The following KDM4D variants were observed in gnomAD, a reference collection of about 807,000 sequenced individuals.
KDM4D encodes the protein lysine-specific demethylase 4D.
For missense variants in KDM4D, 427 were observed against 674.8 expected (o/e 0.63, Z 4.07); for synonymous variants, 254 against 249.1 (o/e 1.02, Z -0.19).
At chr11:94,983,388 C>A (rs1421916826) in intron 2 of KDM4D, among the ~76,000 whole-genome samples, 1 of 151,668 alleles carries the variant, frequency 6.6e-6, no homozygotes, top group Non-Finnish European at 1.5e-5. Flanking sequence ...TTTTTGACCC[C>A]CAAAGAATAC....
chr11:94,984,107 G>A (rs587741466), intron 2 of KDM4D, among the ~76,000 whole-genome samples: 1 of 152,204 alleles, frequency 6.6e-6, no homozygotes, highest in Admixed American at 6.5e-5. Context: ...GTATGTATGT[G>A]TATGTATGTA....
Position 94,999,130 on chromosome 11 carries a change from C to T in KDM4D, c.*186C>T. 1 of 492,076 alleles carries T rather than the reference C, an allele frequency of 2.0e-6. No individual in the cohort carries two copies. 30.5% of individuals were successfully genotyped at this position (492,076 alleles called of 1,614,324 possible). A position where few individuals can be genotyped will look rare whatever the true frequency, so the allele number is the denominator to read the frequency against. The stretch of plus-strand genomic sequence containing the variant: ...TTTTCAATTTTGCCATACTTTTGTT[C>T]TTCCTACCGGACCCTGGAATGTCTT... On this transcript the variant is annotated 3_prime_UTR_variant, in exon 3 of 3. Transcript: ENST00000335080.
chr11:94,982,477 C>T (rs138514427), intron 2 of KDM4D, among the ~76,000 whole-genome samples: 1 of 150,508 alleles, frequency 6.6e-6, no homozygotes, highest in Non-Finnish European at 1.5e-5. Flanking sequence ...AGAATTTCTA[C>T]CAACTCAGTC....
chr11:94,981,667 A>G (rs1857844056), intron 2 of KDM4D, among the ~76,000 whole-genome samples: 1 of 151,998 alleles, frequency 6.6e-6, no homozygotes, highest in South Asian at 2.1e-4. Flanking sequence ...TTATGTCTGC[A>G]GCATCTGTAG....
At chr11:94,981,844 C>T (rs587759857) in intron 2 of KDM4D, among the ~76,000 whole-genome samples, 1 of 151,366 alleles carries the variant, frequency 6.6e-6, no homozygotes, top group South Asian at 2.1e-4. Flanking sequence ...AGTTTCTGGT[C>T]TCTTATTATT....
intron 2 of KDM4D, among the ~76,000 whole-genome samples, chr11:94,993,905 A>G (rs1014957098): frequency 6.6e-5 from 10 of 152,152 alleles, no homozygotes; most frequent in Admixed American, 5.9e-4. Context: ...TTCCAAAAAT[A>G]TAAAGAATTT....
chr11:94,978,979 T>C (rs1393590577), intron 2 of KDM4D, among the ~76,000 whole-genome samples: 1 of 152,134 alleles, frequency 6.6e-6, no homozygotes, highest in African/African-American at 2.4e-5. Flanking sequence ...TTTTTTAAGA[T>C]AAATTTCTCT....
chr11:94,997,302 T>C lies in KDM4D; in HGVS notation c.-71T>C. ...AGATAACACCAGTCAAATTTTTTTT[T>C]AAAGTAGCATTTTCCTACATTGTCA... On this transcript the variant is annotated 5_prime_UTR_variant, in exon 3 of 3. Coordinates refer to ENST00000335080, the MANE Select transcript of KDM4D (RefSeq NM_018039.3). The C allele has an allele frequency of 2.3e-6, 3 of 1,305,960 alleles. No homozygotes were observed. Among genetic ancestry groups the C allele is most frequent in the Non-Finnish European group, 3.1e-6 (3 of 973,816 alleles). 80.9% of individuals were successfully genotyped at this position (1,305,960 alleles called of 1,614,324 possible).
intron 2 of KDM4D, among the ~76,000 whole-genome samples, chr11:94,981,536 T>G (rs1357903389): frequency 4.6e-5 from 7 of 152,056 alleles, no homozygotes; most frequent in African/African-American, 1.7e-4. Flanking sequence ...TATGGATATA[T>G]TTATTGTTCT....
intron 2 of KDM4D, among the ~76,000 whole-genome samples, chr11:94,987,473 G>A (rs1857898009): frequency 6.6e-6 from 1 of 152,166 alleles, no homozygotes; most frequent in African/African-American, 2.4e-5. Context: ...ACATATAAAT[G>A]TAGAGTCTTT....
chr11:94,998,270 T>C lies in KDM4D; in HGVS notation c.898T>C (p.Trp300Arg). The part of the protein sequence containing the change: ...AEAINFATPR[W>R]IDYGKMASQC... ...GGCCATCAATTTTGCCACTCCGCGA[T>C]GGATTGATTATGGCAAAATGGCCTC... The change falls in exon 3 of 3, where the codon TGG becomes CGG. Residue 300 changes from tryptophan to arginine, a missense_variant. Physicochemically the swap from Trp to Arg is moderately radical, Grantham distance 101. Transcript: ENST00000335080. This position sits in a 1 kb window ranked among gnomAD's most constrained non-coding sequence, Gnocchi z 6.7. 1 of 1,614,208 alleles carries C rather than the reference T, an allele frequency of 6.2e-7. No homozygotes were observed. Among genetic ancestry groups the C allele is most frequent in the Non-Finnish European group, 8.5e-7 (1 of 1,180,034 alleles).
chr11:94,982,170 CAT>C (rs1296086139), intron 2 of KDM4D, among the ~76,000 whole-genome samples: 4 of 151,796 alleles, frequency 2.6e-5, no homozygotes, highest in Admixed American at 6.6e-5. Context: ...GGTCAAATAA[CAT>C]ATTCTGACTG....
chr11:94,990,644 GGTA>G (rs1857926944), intron 2 of KDM4D, among the ~76,000 whole-genome samples: 1 of 152,202 alleles, frequency 6.6e-6, no homozygotes, highest in Admixed American at 6.5e-5. Context: ...AAGGAAAACA[GGTA>G]GTGGCCAGTT....
At chr11:94,984,094 AGTGTATGTAT>A (rs1382901736) in intron 2 of KDM4D, among the ~76,000 whole-genome samples, 3 of 152,306 alleles carry the variant, frequency 2.0e-5, no homozygotes, top group South Asian at 2.1e-4. Context: ...GACCATATAT[AGTGTATGTAT>A]GTGTATGTAT....
chr11:94,999,218 A>T lies in KDM4D; in HGVS notation c.*274A>T. On this transcript the variant is annotated 3_prime_UTR_variant, in exon 3 of 3. Coordinates refer to ENST00000335080, the MANE Select transcript of KDM4D (RefSeq NM_018039.3). ...TATCCACTGGACACATTTGTGTGTG[A>T]GAACTAGGTCTTGTTGAGGTTAGCG... 3.4e-6 allele frequency: 1 copy of T among 295,474 alleles called. No homozygotes were observed. Among genetic ancestry groups the T allele is most frequent in the East Asian group, 6.1e-5 (1 of 16,362 alleles). The allele number at this position is 295,474 out of a possible 1,614,324, so 18.3% of individuals were successfully genotyped here.
chr11:94,991,769 A>G (rs1424370538), intron 2 of KDM4D, among the ~76,000 whole-genome samples: 1 of 151,904 alleles, frequency 6.6e-6, no homozygotes, highest in African/African-American at 2.4e-5. Flanking sequence ...TAATACACAG[A>G]CGAAAAGGAG....
At chr11:94,986,516 A>T (rs1457182563) in intron 2 of KDM4D, among the ~76,000 whole-genome samples, 7 of 152,178 alleles carry the variant, frequency 4.6e-5, no homozygotes, top group Non-Finnish European at 1.0e-4. Context: ...GGATTACCTG[A>T]GCCTGGAAGG....
intron 2 of KDM4D, among the ~76,000 whole-genome samples, chr11:94,986,325 C>T (rs1041912427): frequency 6.6e-6 from 1 of 152,094 alleles, no homozygotes; most frequent in Non-Finnish European, 1.5e-5. Flanking sequence ...CTTGGTGGCT[C>T]GCACCTGTAA....
chr11:94,997,243 A>AG lies in KDM4D; in HGVS notation c.-130_-129insG, dbSNP rs1241362512. The AG allele has an allele frequency of 1.5e-6, 1 of 664,490 alleles. No individual in the cohort carries two copies. Among genetic ancestry groups the AG allele is most frequent in the Non-Finnish European group, 2.4e-6 (1 of 415,832 alleles). The allele number at this position is 664,490 out of a possible 1,614,324, so 41.2% of individuals were successfully genotyped here. On this transcript the variant is annotated 5_prime_UTR_variant, in exon 3 of 3. Coordinates refer to ENST00000335080, the MANE Select transcript of KDM4D (RefSeq NM_018039.3). Reference sequence around the variant, plus strand: ...GAAAGATTATCATCTCATTTGCAAAAAAAAAAGTACGCTGGTAGATCCTGC... The same window carrying AG: ...GAAAGATTATCATCTCATTTGCAAAAGAAAAAAGTACGCTGGTAGATCCTGC...
Sources: allele counts gnomAD v4.1 joint callset (sites outside exome capture counted in the v4.1 genomes callset), GRCh38; gene constraint gnomAD v4.1.1; non-coding constraint Gnocchi (gnomAD v3.1); transcripts MANE v1.5; gene names NCBI Gene and HGNC (gene_info 2026-07-23, HGNC 2026-07-21).